Variants in WIPF1 observed in about 807,000 individuals in gnomAD.
The protein encoded by WIPF1 is WAS/WASL-interacting protein family member 1.
WIPF1 carries 13 observed loss-of-function variants against 35.4 expected under a neutral mutation model. The ratio of observed to expected loss-of-function variants is 0.37; its 90% CI spans 0.24 to 0.58. The LOEUF is 0.58. WIPF1 is among the 20% of genes least tolerant of loss of function. The pLI is 0.74. For missense variants in WIPF1, 591 were observed against 667.0 expected (o/e 0.89, Z 1.25); for synonymous variants, 267 against 266.3 (o/e 1.00, Z -0.02).
chr2:174,647,520 C>T (rs182016713), intron 1 of WIPF1, among the ~76,000 whole-genome samples: 164 of 151,972 alleles, frequency 1.1e-3, no homozygotes, highest in African/African-American at 3.7e-3. Context: ...ATTACAGGCG[C>T]GTGCCACTAT....
intron 1 of WIPF1, among the ~76,000 whole-genome samples, chr2:174,672,542 A>C (rs1410885076): frequency 6.6e-6 from 1 of 152,282 alleles, no homozygotes; most frequent in Non-Finnish European, 1.5e-5. Context: ...CTAAATGAGA[A>C]ATGTGATGGA....
chr2:174,654,582 C>T (rs1028844408), intron 1 of WIPF1, among the ~76,000 whole-genome samples: 5 of 152,034 alleles, frequency 3.3e-5, no homozygotes, highest in African/African-American at 1.2e-4. Flanking sequence ...GAACCAACCC[C>T]CTTTCTCTTT....
At chr2:174,635,541 T>TG (rs1559168312) in intron 1 of WIPF1, among the ~76,000 whole-genome samples, 1 of 148,602 alleles carries the variant, frequency 6.7e-6, no homozygotes, top group African/African-American at 2.5e-5. Context: ...TTTTTTTTTT[T>TG]TTTTTTTTTT....
chr2:174,600,203 T>A (rs1685958039), upstream of WIPF1, among the ~76,000 whole-genome samples: 1 of 152,148 alleles, frequency 6.6e-6, no homozygotes, highest in East Asian at 1.9e-4. Flanking sequence ...AAAAGCTCAC[T>A]TAGAAGGGAG....
At chr2:174,642,643 G>A (rs1344977788) in intron 1 of WIPF1, among the ~76,000 whole-genome samples, 4 of 148,412 alleles carry the variant, frequency 2.7e-5, no homozygotes, top group South Asian at 2.1e-4. Flanking sequence ...CGCCGCGCCC[G>A]GCCTTTTTTG....
At chr2:174,672,733 T>A (rs1021667022) in intron 1 of WIPF1, among the ~76,000 whole-genome samples, 1 of 152,214 alleles carries the variant, frequency 6.6e-6, no homozygotes, top group East Asian at 1.9e-4. Context: ...CTGGCCACCA[T>A]CTTCTCCCTG....
intron 1 of WIPF1, among the ~76,000 whole-genome samples, chr2:174,671,055 A>C (rs1481850746): frequency 6.6e-6 from 1 of 152,210 alleles, no homozygotes; most frequent in South Asian, 2.1e-4. Flanking sequence ...AAAAGGGGTA[A>C]GTCAATGACA....
Position 174,572,139 on chromosome 2 carries a change from G to A in WIPF1, c.666C>T (p.Phe222=), listed in dbSNP as rs1267000368. The A allele has an allele frequency of 6.2e-7, 1 of 1,611,940 alleles. No individual in the cohort carries two copies. Among genetic ancestry groups the A allele is most frequent in the Admixed American group, 1.7e-5 (1 of 59,698 alleles). ...CCAAAGCAGTGCCGCGGTTTCCAGG[G>A]AAAGGGGGAGGAGTGGGCCCGGGGC... ...QPSPGPTPPP[F]PGNRGTALGG... Residue 222 remains phenylalanine (F), a synonymous_variant, in exon 5 of 8, where the codon TTC becomes TTT. Transcript: ENST00000679041.
In WIPF1 at chr2:174,658,091, G is replaced by A. The variant is rs79576621; in HGVS notation, c.-39+24683C>T. ...CTTCTGTGGAGTAACTTCTGGTGGA[G>A]GCATTAGGCTGTGGGGAGAGGACAG... On this transcript the variant is annotated intron_variant, in intron 1 of 8. Transcript: ENST00000272746. Among the ~76,000 whole-genome samples the A allele has an allele frequency of 4.5e-4, 69 of 152,212 alleles. No homozygotes were observed. The East Asian group carries it at 0.012, about 27-fold the overall frequency.
At chr2:174,630,309 T>TA (rs1686979034) in intron 1 of WIPF1, 1 of 152,244 alleles carries the variant, frequency 6.6e-6, no homozygotes, top group Admixed American at 6.5e-5. Flanking sequence ...TCTAGCTAGT[T>TA]AGACAGTCTC....
intron 1 of WIPF1, among the ~76,000 whole-genome samples, chr2:174,657,940 A>C (rs973377974): frequency 4.7e-5 from 7 of 149,958 alleles, no homozygotes; most frequent in African/African-American, 1.7e-4. Context: ...AAAAAGAGAG[A>C]GAGAAATATT....
At position 174,586,202 on chromosome 2, in the gene WIPF1, G is replaced by C. The variant is rs1465622; in HGVS notation, c.-38-591C>G. On this transcript the variant is annotated intron_variant, in intron 1 of 7. Transcript: ENST00000679041. ...AGCAGCTGAGGCGGGGTGGACGTGT[G>C]GGGGGTCAACCTTATGTTTGGAGCA... Among the ~76,000 whole-genome samples the C allele has an allele frequency of 2.8e-3, 432 of 152,112 alleles. 2 individuals carry two copies. The highest frequency in any genetic ancestry group is 9.8e-3 in the African/African-American group (405 of 41,476).
intron 1 of WIPF1, among the ~76,000 whole-genome samples, chr2:174,594,292 C>T (rs1685725540): frequency 6.6e-6 from 1 of 152,164 alleles, no homozygotes; most frequent in African/African-American, 2.4e-5. Flanking sequence ...TGAAGCATCT[C>T]GAACATCACT....
intron 5 of WIPF1, among the ~76,000 whole-genome samples, chr2:174,570,949 C>G (rs1464011123): frequency 6.6e-6 from 1 of 152,184 alleles, no homozygotes; most frequent in Non-Finnish European, 1.5e-5. Flanking sequence ...GCAATCCTCA[C>G]ATTTCCTTTC....
chr2:174,600,575 G>A (rs1685969309), upstream of WIPF1, among the ~76,000 whole-genome samples: 1 of 152,142 alleles, frequency 6.6e-6, no homozygotes, highest in African/African-American at 2.4e-5. Context: ...CTCACGCCTG[G>A]TACACTCATC....
chr2:174,653,506 C>A (rs772696282), intron 1 of WIPF1, among the ~76,000 whole-genome samples: 1 of 151,768 alleles, frequency 6.6e-6, no homozygotes. Context: ...CAGGCCGAGG[C>A]GGGCAGATCA....
At chr2:174,643,232 G>A (rs771246058) in intron 1 of WIPF1, among the ~76,000 whole-genome samples, 2 of 149,370 alleles carry the variant, frequency 1.3e-5, no homozygotes, top group Non-Finnish European at 2.9e-5. Context: ...AAAAAATTGT[G>A]TGTATGTCCT....
chr2:174,593,273 T>C (rs970997047), intron 1 of WIPF1, among the ~76,000 whole-genome samples: 2 of 152,204 alleles, frequency 1.3e-5, no homozygotes, highest in Non-Finnish European at 2.9e-5. Context: ...ATACACACAA[T>C]TGTTTGACAA....
Position 174,674,948 on chromosome 2 carries a change from A to ACACACACG in WIPF1, c.-39+7825_-39+7826insCGTGTGTG, listed in dbSNP as rs576751803. 6.4e-3 allele frequency among the ~76,000 whole-genome samples: 944 copies of ACACACACG among 147,184 alleles called. 39 individuals are homozygous for ACACACACG. Among genetic ancestry groups the ACACACACG allele is most frequent in the Middle Eastern group, 0.024 (7 of 288 alleles). ...CACACACACACACACACACACACAC[A>ACACACACG]GATGTTCCAGGAAGAATGGTTGTAG... On this transcript the variant is annotated intron_variant, in intron 1 of 8. Transcript: ENST00000272746.
Sources: allele counts gnomAD v4.1 joint callset (sites outside exome capture counted in the v4.1 genomes callset), GRCh38; gene constraint gnomAD v4.1.1; transcripts MANE v1.5; gene names NCBI Gene and HGNC (gene_info 2026-07-23, HGNC 2026-07-21).